Variants in DDR2 observed in about 807,000 individuals in gnomAD.
The protein encoded by DDR2 is discoidin domain receptor tyrosine kinase 2, also known as discoidin domain-containing receptor 2.
A neutral mutation model predicts 94.9 loss-of-function variants in DDR2; 27 were observed. The ratio of observed to expected loss-of-function variants is 0.28; its 90% CI spans 0.21 to 0.39. The LOEUF (loss-of-function observed/expected upper bound fraction) is 0.39. Among genes scored for constraint, DDR2 ranks in the 10% least tolerant of loss-of-function variants. The pLI, the probability that DDR2 is intolerant of heterozygous loss-of-function variation, is 1.00. For missense variants in DDR2, 783 were observed against 1,076.0 expected, an observed-to-expected ratio of 0.73 and a Z score of 3.81; for synonymous variants, 382 against 377.2, an observed-to-expected ratio of 1.01 and a Z score of -0.15.
intron 7 of DDR2, among the ~76,000 whole-genome samples, chr1:162,756,671 C>T (rs115515054): frequency 0.019 from 2,874 of 152,238 alleles, 47 homozygotes; most frequent in Non-Finnish European, 0.029. Flanking sequence ...GGAATTACAG[C>T]CTTCTACTGG....
intron 2 of DDR2, among the ~76,000 whole-genome samples, chr1:162,701,966 G>A (rs78240977): frequency 2.7e-3 from 405 of 152,224 alleles, no homozygotes; most frequent in African/African-American, 9.4e-3. Flanking sequence ...TCTTGGTAGG[G>A]AGTCACTCAT....
chr1:162,673,595 A>AGG (rs1491204508), intron 2 of DDR2, among the ~76,000 whole-genome samples: 1 of 105,274 alleles, frequency 9.5e-6, no homozygotes, highest in Non-Finnish European at 1.9e-5. Flanking sequence ...GTGTGTGTGT[A>AGG]TGTGTGTGTG....
intron 1 of DDR2, among the ~76,000 whole-genome samples, chr1:162,633,139 C>A (rs977052403): frequency 3.3e-5 from 5 of 152,098 alleles, no homozygotes; most frequent in African/African-American, 9.7e-5. Flanking sequence ...GGGGTGGCTT[C>A]CCCCTGAGAT....
At chr1:162,775,581 T>A (rs2102194631) in intron 14 of DDR2, 71 bp from the exon 15 acceptor site, 1 of 1,523,870 alleles carries the variant, frequency 6.6e-7, no homozygotes. Context: ...TAGGCCTTGG[T>A]GTGCATTCTT....
intron 2 of DDR2, among the ~76,000 whole-genome samples, chr1:162,668,444 A>C (rs894393080): frequency 6.6e-6 from 1 of 152,184 alleles, no homozygotes; most frequent in Non-Finnish European, 1.5e-5. Flanking sequence ...AGGACAACAG[A>C]TATTGATTGT....
intron 10 of DDR2, among the ~76,000 whole-genome samples, 158 bp downstream of exon 10, chr1:162,766,221 G>A (rs554989084): frequency 6.6e-6 from 1 of 152,274 alleles, no homozygotes; most frequent in African/African-American, 2.4e-5. Context: ...CTACCTCCAA[G>A]TTATGGATCC....
chr1:162,701,393 T>A (rs1300171212), intron 2 of DDR2, among the ~76,000 whole-genome samples: 1 of 152,206 alleles, frequency 6.6e-6, no homozygotes, highest in Admixed American at 6.5e-5. Flanking sequence ...GGTGATATGG[T>A]CATGTGGGAG....
chr1:162,736,578 A>T (rs1305209823), intron 3 of DDR2, among the ~76,000 whole-genome samples: 1 of 152,228 alleles, frequency 6.6e-6, no homozygotes, highest in Non-Finnish European at 1.5e-5. Context: ...GACACTTGGT[A>T]AATGCTTCTA....
intron 2 of DDR2, among the ~76,000 whole-genome samples, chr1:162,676,552 A>G (rs755780145): frequency 6.6e-6 from 1 of 152,254 alleles, no homozygotes; most frequent in Non-Finnish European, 1.5e-5. Flanking sequence ...GCACACTTTT[A>G]TAGCTTATTA....
At chr1:162,675,138 C>A (rs190414268) in intron 2 of DDR2, among the ~76,000 whole-genome samples, 1 of 151,552 alleles carries the variant, frequency 6.6e-6, no homozygotes, top group African/African-American at 2.4e-5. Context: ...GCCTGGCCAA[C>A]AAGAGTGAAA....
chr1:162,770,330 T>C lies in DDR2; in HGVS notation c.1322T>C (p.Met441Thr). 1 of 1,614,088 alleles carries C rather than the reference T, an allele frequency of 6.2e-7. No individual in the cohort carries two copies. Among genetic ancestry groups the C allele is most frequent in the Non-Finnish European group, 8.5e-7 (1 of 1,180,018 alleles). The change falls in exon 12 of 18, where the codon ATG becomes ACG. Residue 441 changes from methionine (M) to threonine (T), a missense_variant. By Grantham distance (81) the Met-to-Thr change is moderately conservative (BLOSUM62 -1). Coordinates refer to ENST00000367921, the MANE Select transcript of DDR2 (RefSeq NM_006182.4). ...TCTCGGAGGATGCTGGATGATGAAATGACAGTCAGCCTTTCCCTGCCAAGT... is the reference window on the plus strand; with the variant it reads ...TCTCGGAGGATGCTGGATGATGAAACGACAGTCAGCCTTTCCCTGCCAAGT... ...KASRRMLDDE[M>T]TVSLSLPSDS...
intron 1 of DDR2, among the ~76,000 whole-genome samples, chr1:162,643,891 G>A (rs1455057801): frequency 1.3e-5 from 2 of 152,210 alleles, no homozygotes; most frequent in African/African-American, 4.8e-5. Flanking sequence ...GGAGAAGCCT[G>A]GGAAGGAGTT....
chr1:162,641,104 G>T, intron 1 of DDR2, among the ~76,000 whole-genome samples: 1 of 152,150 alleles, frequency 6.6e-6, no homozygotes, highest in African/African-American at 2.4e-5. Flanking sequence ...AGAGTGATGG[G>T]CCAAGGGTTA....
intron 2 of DDR2, among the ~76,000 whole-genome samples, chr1:162,684,050 G>A (rs1215749615): frequency 6.6e-6 from 1 of 152,072 alleles, no homozygotes; most frequent in African/African-American, 2.4e-5. Context: ...ATAGATCAAA[G>A]GAATGCAATA....
chr1:162,749,744 T>C (rs772261283), intron 3 of DDR2, among the ~76,000 whole-genome samples: 3 of 152,188 alleles, frequency 2.0e-5, no homozygotes, highest in Non-Finnish European at 4.4e-5. Context: ...CTGATGAACA[T>C]TCATGCAAAA....
At position 162,667,132 on chromosome 1, in the gene DDR2, A is replaced by G. The variant is rs573001749; in HGVS notation, c.-28+11758A>G. Among the ~76,000 whole-genome samples the G allele has an allele frequency of 3.9e-5, 6 of 152,168 alleles. No individual in the cohort carries two copies. The East Asian group carries it at 1.2e-3, about 29-fold the overall frequency. ...GAATCATTTGTTGTTTGAATATACC[A>G]TATTTTGCTGCCAGTCACCCAGTTC... On this transcript the variant is annotated intron_variant, in intron 2 of 17. Coordinates refer to ENST00000367921, the MANE Select transcript of DDR2 (RefSeq NM_006182.4).
intron 2 of DDR2, among the ~76,000 whole-genome samples, chr1:162,693,980 C>T (rs1391833514): frequency 6.6e-6 from 1 of 152,158 alleles, no homozygotes; most frequent in East Asian, 1.9e-4. Context: ...GGCTCAAGCG[C>T]TTCTTCTGCC....
intron 13 of DDR2, 91 bp from the exon 14 acceptor site, chr1:162,773,378 G>C: frequency 6.4e-7 from 1 of 1,565,280 alleles, no homozygotes; most frequent in Non-Finnish European, 8.8e-7. Context: ...TGAGTTGTAA[G>C]AGTTAGTTTA....
intron 1 of DDR2, among the ~76,000 whole-genome samples, chr1:162,634,683 T>C (rs72707617): frequency 0.015 from 2,247 of 152,320 alleles, 31 homozygotes; most frequent in Non-Finnish European, 0.026. Flanking sequence ...GTCTCTTAAA[T>C]TCTCCTCCAC....
Sources: allele counts gnomAD v4.1 joint callset (sites outside exome capture counted in the v4.1 genomes callset), GRCh38; gene constraint gnomAD v4.1.1; transcripts MANE v1.5; gene names NCBI Gene and HGNC (gene_info 2026-07-23, HGNC 2026-07-21).